The following ZNF284 variants were observed in gnomAD, a reference collection of about 807,000 sequenced individuals.
ZNF284 encodes zinc finger protein 284.
ZNF284 carries 12 observed loss-of-function variants against 12.9 expected under a neutral mutation model. That is an observed-to-expected ratio of 0.93 (90% CI 0.60 to 1.51). The LOEUF (loss-of-function observed/expected upper bound fraction) is 1.51. ZNF284 is among the 40% of genes most tolerant of loss of function. The pLI is 0.00. For missense variants in ZNF284, 667 were observed against 707.3 expected, an observed-to-expected ratio of 0.94 and a Z score of 0.65; for synonymous variants, 225 against 236.5, an observed-to-expected ratio of 0.95 and a Z score of 0.45.
chr19:44,073,161 G>A (rs1279871258), intron 1 of ZNF284, among the ~76,000 whole-genome samples: 1 of 152,250 alleles, frequency 6.6e-6, no homozygotes, highest in African/African-American at 2.4e-5. Flanking sequence ...ATACAAAGGA[G>A]CAGGAGTTAT....
rs1395344502 is a variant in ZNF284 at position 44,082,077 on chromosome 19, G to A, written c.207G>A (p.Glu69=). 1 of 1,612,804 alleles carries A rather than the reference G, an allele frequency of 6.2e-7. No individual in the cohort carries two copies. The highest frequency in any genetic ancestry group is 8.5e-7 in the Non-Finnish European group (1 of 1,179,520). The part of the protein sequence containing the change: ...FQREEKFWIM[E]TATQREGNSG... ...GAGAAGAAAAGTTTTGGATCATGGA[G>A]ACAGCAACCCAAAGAGAAGGGAATT... The change falls in exon 4 of 5, where the codon GAG becomes GAA. Residue 69 remains glutamate, a synonymous_variant. Coordinates refer to ENST00000421176, the MANE Select transcript of ZNF284 (RefSeq NM_001037813.4).
At chr19:44,080,979 T>C in intron 2 of ZNF284, 36 bp from the exon 3 acceptor site, 2 of 1,597,894 alleles carry the variant, frequency 1.3e-6, no homozygotes, top group Non-Finnish European at 1.7e-6. Flanking sequence ...GAATCACTGG[T>C]CATGAGATTG....
At chr19:44,077,535 C>CTTTTTTTTTT (rs763788955) in intron 2 of ZNF284, among the ~76,000 whole-genome samples, 22 of 76,186 alleles carry the variant, frequency 2.9e-4, no homozygotes, top group African/African-American at 4.5e-4. Context: ...ATTTTTCTGT[C>CTTTTTTTTTT]TTTTTTTTTT....
intron 1 of ZNF284, among the ~76,000 whole-genome samples, chr19:44,074,417 T>C (rs1202071967): frequency 6.6e-6 from 1 of 152,168 alleles, no homozygotes; most frequent in African/African-American, 2.4e-5. Flanking sequence ...TTGAAACCTA[T>C]AGAAAAATTG....
intron 4 of ZNF284, among the ~76,000 whole-genome samples, chr19:44,083,365 C>T (rs548691228): frequency 6.6e-6 from 1 of 150,490 alleles, no homozygotes; most frequent in Non-Finnish European, 1.5e-5. Flanking sequence ...ACCCAGGAGC[C>T]AGAGGTTGTA....
intron 3 of ZNF284, among the ~76,000 whole-genome samples, chr19:44,081,745 A>C (rs1967130044): frequency 1.3e-5 from 2 of 151,894 alleles, no homozygotes; most frequent in South Asian, 2.1e-4. Context: ...AAAACAAAAA[A>C]CATAAATAAA....
At chr19:44,072,476 G>A (rs1465698108) in intron 1 of ZNF284, among the ~76,000 whole-genome samples, 185 bp downstream of exon 1, 1 of 152,142 alleles carries the variant, frequency 6.6e-6, no homozygotes, top group Non-Finnish European at 1.5e-5. Context: ...CCACCTGTGA[G>A]GCTACTTTCT....
At chr19:44,083,512 T>G (rs1967171266) in intron 4 of ZNF284, among the ~76,000 whole-genome samples, 1 of 117,974 alleles carries the variant, frequency 8.5e-6, no homozygotes, top group Non-Finnish European at 1.9e-5. Context: ...GGGAATGGAA[T>G]ACCATCCTAT....
intron 2 of ZNF284, among the ~76,000 whole-genome samples, chr19:44,077,889 C>T (rs750773033): frequency 2.6e-5 from 4 of 152,088 alleles, no homozygotes; most frequent in African/African-American, 7.2e-5. Context: ...CCTCCCTGAC[C>T]CCTCCTCGGG....
chr19:44,086,609 G>C lies in ZNF284; in HGVS notation c.1131G>C (p.Gly377=). The change falls in exon 5 of 5, where the codon GGG becomes GGC. Residue 377 remains glycine, a synonymous_variant. Coordinates refer to ENST00000421176, the MANE Select transcript of ZNF284 (RefSeq NM_001037813.4). ...AACCATATAATTGTAATGTATGTGG[G>C]AAGGGCTTCAGGTGGTCCTCATGTC... The part of the protein sequence containing the change: ...GDKPYNCNVC[G]KGFRWSSCLS... 9 of 1,614,194 alleles carry C rather than the reference G, an allele frequency of 5.6e-6. No individual in the cohort carries two copies. Among genetic ancestry groups the C allele is most frequent in the Non-Finnish European group, 7.6e-6 (9 of 1,180,036 alleles).
Position 44,087,112 on chromosome 19 carries a change from G to T in ZNF284, c.1634G>T (p.Gly545Val), listed in dbSNP as rs763997509. 1 of 1,614,158 alleles carries T rather than the reference G, an allele frequency of 6.2e-7. No homozygotes were observed. Among genetic ancestry groups the T allele is most frequent in the South Asian group, 1.1e-5 (1 of 91,074 alleles). The part of the protein sequence containing the change: ...REKLFQCEDC[G>V]KSSEHSSCLQ... ...AAACTATTCCAATGTGAGGATTGTG[G>T]GAAGAGCAGTGAGCACAGTTCATGC... is the stretch of plus-strand genomic sequence containing the variant. The change falls in exon 5 of 5, where the codon GGG becomes GTG. Residue 545 changes from glycine to valine, a missense_variant. Transcript: ENST00000421176.
chr19:44,079,618 A>G (rs1844205138), intron 2 of ZNF284, among the ~76,000 whole-genome samples: 1 of 152,174 alleles, frequency 6.6e-6, no homozygotes, highest in Admixed American at 6.5e-5. Flanking sequence ...CTGAGGCAGG[A>G]GAATGGTGTG....
In ZNF284 at chr19:44,087,390, G is replaced by C. The variant is rs947718043; in HGVS notation, c.*130G>C. ...TTTGTGGATCATTTATCATTTCTTT[G>C]TGCTTTGAACGTTCAAAAACTGCTG... On this transcript the variant is annotated 3_prime_UTR_variant, in exon 5 of 5. Coordinates refer to ENST00000421176, the MANE Select transcript of ZNF284 (RefSeq NM_001037813.4). 6 of 829,276 alleles carry C rather than the reference G, an allele frequency of 7.2e-6. No homozygotes were observed. Among genetic ancestry groups the C allele is most frequent in the Non-Finnish European group, 1.1e-5 (6 of 571,348 alleles). 51.4% of individuals were successfully genotyped at this position (829,276 alleles called of 1,614,324 possible).
intron 4 of ZNF284, among the ~76,000 whole-genome samples, chr19:44,084,763 G>A (rs920078658): frequency 6.6e-6 from 1 of 152,174 alleles, no homozygotes; most frequent in African/African-American, 2.4e-5. Context: ...TGGGGCTTCA[G>A]GGATTTGGAG....
Position 44,076,185 on chromosome 19 carries a change from A to G in ZNF284, c.-68-137A>G. On this transcript the variant is annotated intron_variant, in intron 1 of 4. Coordinates refer to ENST00000421176, the MANE Select transcript of ZNF284 (RefSeq NM_001037813.4). ...TAGGAAGGCATTTTGGTTGTGTGCAATTTTGGGTTATTATGAATAATGCCC... is the reference window on the plus strand; with the variant it reads ...TAGGAAGGCATTTTGGTTGTGTGCAGTTTTGGGTTATTATGAATAATGCCC... 1.6e-5 allele frequency: 8 copies of G among 500,322 alleles called. No homozygotes were observed. In the South Asian group the frequency reaches 2.1e-4, roughly 13 times the overall value. The allele number at this position is 500,322 out of a possible 1,614,324, so 31.0% of individuals were successfully genotyped here.
At chr19:44,085,635 G>A (rs2147508170) in intron 4 of ZNF284, 79 bp from the exon 5 acceptor site, 1 of 1,270,922 alleles carries the variant, frequency 7.9e-7, no homozygotes, top group Non-Finnish European at 1.1e-6. Flanking sequence ...AAAGTTTCAG[G>A]CCATGTCCTA....
rs1010539557 is a variant in ZNF284, at chr19:44,087,027, G to A, written c.1549G>A (p.Gly517Arg). ...GEKPYKCEEC[G>R]KGFRWASTHL... ...AAAGCCTTACAAATGTGAGGAGTGT[G>A]GAAAGGGATTCAGATGGGCCTCAAC... The change falls in exon 5 of 5, where the codon GGA (glycine) becomes AGA (arginine). Residue 517 changes from glycine (G) to arginine (R), a missense_variant. Physicochemically the swap from Gly to Arg is moderately radical, Grantham distance 125. Coordinates refer to ENST00000421176, the MANE Select transcript of ZNF284 (RefSeq NM_001037813.4). The A allele has an allele frequency of 6.2e-7, 1 of 1,614,150 alleles. No homozygotes were observed.
At chr19:44,076,003 G>A (rs572497955) in intron 1 of ZNF284, among the ~76,000 whole-genome samples, 2 of 152,064 alleles carry the variant, frequency 1.3e-5, no homozygotes, top group East Asian at 1.9e-4. Context: ...ATATAAATGC[G>A]ATCACACAGT....
intron 4 of ZNF284, among the ~76,000 whole-genome samples, chr19:44,083,398 C>T (rs1967157515): frequency 6.7e-6 from 1 of 148,234 alleles, no homozygotes; most frequent in East Asian, 2.0e-4. Flanking sequence ...TGTGCCACTA[C>T]ACTCTAGCCT....
Sources: gnomAD v4.1 joint callset for allele counts (sites outside exome capture counted in the v4.1 genomes callset) on GRCh38, gnomAD v4.1.1 for gene constraint, MANE v1.5 for transcripts, NCBI Gene and HGNC (gene_info 2026-07-23, HGNC 2026-07-21) for gene names.